STX8: variants seen among roughly 807,000 people sequenced by gnomAD.
STX8 encodes syntaxin 8, also known as syntaxin-8.
A neutral mutation model predicts 37.5 loss-of-function variants in STX8; 23 were observed. The observed-to-expected ratio is 0.61, with a 90% CI of 0.44 to 0.87. The LOEUF (loss-of-function observed/expected upper bound fraction) is 0.87, where lower values mean the gene tolerates loss of function less well. Ranked by LOEUF, STX8 falls within the 40% of genes least tolerant of loss-of-function variation. The pLI is 0.00. For missense variants in STX8, 313 were observed against 284.7 expected (o/e 1.10, Z -0.71); for synonymous variants, 115 against 99.1 (o/e 1.16, Z -0.95).
intron 7 of STX8, among the ~76,000 whole-genome samples, chr17:9,267,175 C>T (rs142790730): frequency 3.0e-4 from 46 of 152,276 alleles, no homozygotes; most frequent in African/African-American, 8.7e-4. Context: ...GCAGACTGCA[C>T]GTGTTCAGAC....
chr17:9,308,787 C>A (rs1486188145), intron 7 of STX8, among the ~76,000 whole-genome samples: 1 of 149,036 alleles, frequency 6.7e-6, no homozygotes, highest in African/African-American at 2.5e-5. Context: ...GAAAGGGAAG[C>A]AGGAGAAGGT....
At chr17:9,414,374 C>A (rs56346530) in intron 6 of STX8, among the ~76,000 whole-genome samples, 1 of 151,414 alleles carries the variant, frequency 6.6e-6, no homozygotes, top group Non-Finnish European at 1.5e-5. Context: ...CAAAATACAA[C>A]AAAAATGATT....
intron 7 of STX8, among the ~76,000 whole-genome samples, chr17:9,335,010 T>G (rs1910090138): frequency 6.6e-6 from 1 of 152,226 alleles, no homozygotes; most frequent in African/African-American, 2.4e-5. Flanking sequence ...ATCTATTTCC[T>G]GGTCACCGCT....
intron 7 of STX8, among the ~76,000 whole-genome samples, chr17:9,294,342 C>T (rs1908436207): frequency 6.6e-6 from 1 of 152,342 alleles, no homozygotes; most frequent in South Asian, 2.1e-4. Flanking sequence ...TTACTATGTG[C>T]AAAACCCTAT....
chr17:9,471,193 C>G (rs1905852011), intron 6 of STX8, among the ~76,000 whole-genome samples: 1 of 144,466 alleles, frequency 6.9e-6, no homozygotes. Flanking sequence ...ACTCTGTCGC[C>G]TAGGCTGGAA....
chr17:9,347,708 G>T (rs1006162500), intron 7 of STX8, among the ~76,000 whole-genome samples: 1 of 151,996 alleles, frequency 6.6e-6, no homozygotes, highest in Non-Finnish European at 1.5e-5. Context: ...GTAGAAACTG[G>T]GTTTCACTAT....
In STX8 at chr17:9,376,215, G is replaced by A. The variant is rs115201716; in HGVS notation, c.643+2337C>T. On this transcript the variant is annotated intron_variant, in intron 7 of 7. Coordinates refer to ENST00000306357, the MANE Select transcript of STX8 (RefSeq NM_004853.3). The stretch of plus-strand genomic sequence containing the variant: ...CACACCAATCAGCGCTCTGTGTCTC[G>A]CTAAAGGTTTGAAAACGCACCAATC... Among the ~76,000 whole-genome samples, 616 of 152,186 alleles carry A rather than the reference G, an allele frequency of 4.0e-3. 7 individuals carry two copies. The highest frequency in any genetic ancestry group is 0.014 in the African/African-American group (576 of 41,516).
intron 7 of STX8, among the ~76,000 whole-genome samples, chr17:9,350,602 G>A (rs542712473): frequency 2.0e-5 from 3 of 151,716 alleles, no homozygotes; most frequent in Non-Finnish European, 2.9e-5. Context: ...GCACGATCTC[G>A]GCTCACTGCA....
chr17:9,534,250 A>G (rs543281836), intron 4 of STX8, among the ~76,000 whole-genome samples: 1 of 149,004 alleles, frequency 6.7e-6, no homozygotes, highest in Non-Finnish European at 1.5e-5. Context: ...CAAAAAGATT[A>G]AAAAAAAAAC....
chr17:9,534,244 A>C (rs1905936883), intron 4 of STX8, among the ~76,000 whole-genome samples: 1 of 152,124 alleles, frequency 6.6e-6, no homozygotes, highest in African/African-American at 2.4e-5. Flanking sequence ...AGCAACCAAA[A>C]AGATTAAAAA....
At chr17:9,449,556 G>A (rs147102465) in intron 6 of STX8, among the ~76,000 whole-genome samples, 35 of 151,846 alleles carry the variant, frequency 2.3e-4, no homozygotes, top group African/African-American at 6.3e-4. Context: ...GCGAGACTCC[G>A]TCTCAAAAAT....
intron 7 of STX8, among the ~76,000 whole-genome samples, chr17:9,267,478 C>G (rs951728269): frequency 6.6e-6 from 1 of 152,172 alleles, no homozygotes; most frequent in Admixed American, 6.5e-5. Flanking sequence ...CCATATCCCC[C>G]GTGTTGTGTG....
At chr17:9,257,156 A>C (rs533055416) in intron 7 of STX8, among the ~76,000 whole-genome samples, 1 of 152,322 alleles carries the variant, frequency 6.6e-6, no homozygotes, top group African/African-American at 2.4e-5. Context: ...CAAGAGTGGA[A>C]AAAAATGTCC....
intron 5 of STX8, 107 bp downstream of exon 5, chr17:9,504,931 G>T: frequency 8.6e-7 from 1 of 1,166,434 alleles, no homozygotes; most frequent in East Asian, 2.8e-5. Flanking sequence ...CCAAGATCAC[G>T]CCACTGCACT....
At chr17:9,513,376 G>A (rs1303755179) in intron 4 of STX8, among the ~76,000 whole-genome samples, 1 of 145,956 alleles carries the variant, frequency 6.9e-6, no homozygotes, top group East Asian at 2.0e-4. Context: ...GATCTGACCA[G>A]ACATTTCTCA....
At chr17:9,504,693 G>A (rs140448998) in intron 5 of STX8, among the ~76,000 whole-genome samples, 177 of 152,248 alleles carry the variant, frequency 1.2e-3, no homozygotes, top group African/African-American at 4.2e-3. Context: ...AAAATCTGGT[G>A]GCCGGGCACG....
intron 7 of STX8, among the ~76,000 whole-genome samples, chr17:9,325,522 T>G (rs1269915073): frequency 6.6e-6 from 1 of 152,200 alleles, no homozygotes; most frequent in Non-Finnish European, 1.5e-5. Flanking sequence ...GGCCCATGCT[T>G]GATTCAACAC....
chr17:9,551,223 GCTTT>G (rs1413122710), intron 3 of STX8, among the ~76,000 whole-genome samples: 1 of 152,116 alleles, frequency 6.6e-6, no homozygotes, highest in Non-Finnish European at 1.5e-5. Context: ...GACTTTTCTG[GCTTT>G]CTTTTTTTAA....
At chr17:9,252,771 G>A (rs763765225) in intron 7 of STX8, among the ~76,000 whole-genome samples, 4 of 151,982 alleles carry the variant, frequency 2.6e-5, no homozygotes, top group Non-Finnish European at 5.9e-5. Context: ...TTTCTCCCCC[G>A]TCTTCCTGTA....
Sources: gnomAD v4.1 joint callset for allele counts (sites outside exome capture counted in the v4.1 genomes callset) on GRCh38, gnomAD v4.1.1 for gene constraint, MANE v1.5 for transcripts, NCBI Gene and HGNC (gene_info 2026-07-23, HGNC 2026-07-21) for gene names.